DPP6: variants seen among roughly 807,000 people sequenced by gnomAD.
DPP6 encodes the protein A-type potassium channel modulatory protein DPP6.
Under a neutral mutation model 122.6 loss-of-function variants are expected in DPP6, and 69 were observed. The ratio of observed to expected loss-of-function variants is 0.56; its 90% CI spans 0.46 to 0.69. DPP6 has a LOEUF of 0.69. DPP6 is among the 30% of genes least tolerant of loss of function. The pLI is 0.00. For missense variants in DPP6, 928 were observed against 1,116.9 expected, an observed-to-expected ratio of 0.83 and a Z score of 2.41; for synonymous variants, 418 against 433.1, an observed-to-expected ratio of 0.97 and a Z score of 0.43.
rs2150609189 is a variant in DPP6 at position 154,863,949 on chromosome 7, T to C, written c.1715-4046T>C. Among the ~76,000 whole-genome samples the C allele has an allele frequency of 6.6e-6, 1 of 152,158 alleles. No individual in the cohort carries two copies. The highest frequency in any genetic ancestry group is 1.9e-4 in the East Asian group (1 of 5,154). ...AGCCCTGGGGTAAGCGGACGGCAGCTGCAAGAGCACAGGGAGGGGGCGAGG... is the reference window on the plus strand; with the variant it reads ...AGCCCTGGGGTAAGCGGACGGCAGCCGCAAGAGCACAGGGAGGGGGCGAGG... On this transcript the variant is annotated intron_variant, in intron 17 of 25. Transcript: ENST00000377770. The surrounding 1 kb of genome is among the most constrained non-coding windows in gnomAD (Gnocchi z 4.1).
chr7:154,575,111 TTG>T (rs1302955183), intron 5 of DPP6, among the ~76,000 whole-genome samples: 7 of 129,760 alleles, frequency 5.4e-5, no homozygotes, highest in Non-Finnish European at 8.2e-5. Flanking sequence ...TGTATGCTGT[TTG>T]TGTGTGTGTG....
At chr7:154,725,611 C>A (rs990149571) in intron 7 of DPP6, among the ~76,000 whole-genome samples, 1 of 152,162 alleles carries the variant, frequency 6.6e-6, no homozygotes, top group Non-Finnish European at 1.5e-5. Context: ...TTAGGGATTA[C>A]AATTTGACAT....
intron 1 of DPP6, among the ~76,000 whole-genome samples, chr7:154,262,913 A>G (rs1339503656): frequency 1.3e-5 from 2 of 152,178 alleles, no homozygotes; most frequent in Non-Finnish European, 2.9e-5. Context: ...ACAGTAGTCT[A>G]TGCACGTTTC....
At chr7:154,487,721 A>G (rs1235147784) in intron 3 of DPP6, among the ~76,000 whole-genome samples, 1 of 152,232 alleles carries the variant, frequency 6.6e-6, no homozygotes, top group Non-Finnish European at 1.5e-5. Context: ...GAGCACTGAC[A>G]CCACCATTTA....
chr7:154,509,522 T>A (rs1444742965), intron 3 of DPP6, among the ~76,000 whole-genome samples: 2 of 152,210 alleles, frequency 1.3e-5, no homozygotes, highest in Non-Finnish European at 2.9e-5. Context: ...CACGTCCTGC[T>A]GGTGGTAATG....
At chr7:154,063,278 G>T (rs1356682625) in intron 1 of DPP6, among the ~76,000 whole-genome samples, 1 of 126,164 alleles carries the variant, frequency 7.9e-6, no homozygotes, top group African/African-American at 2.9e-5. Context: ...CCCCATCGCA[G>T]AGGGGGGAGG....
At chr7:154,652,027 G>T (rs760675118) in intron 6 of DPP6, among the ~76,000 whole-genome samples, 3 of 152,196 alleles carry the variant, frequency 2.0e-5, no homozygotes, top group South Asian at 2.1e-4. Flanking sequence ...GGACAGAAAA[G>T]GTTGAGCTCT....
chr7:153,763,915 G>A, the DPP6 span, among the ~76,000 whole-genome samples: 3 of 152,140 alleles, frequency 2.0e-5, no homozygotes, highest in African/African-American at 7.2e-5. Flanking sequence ...TACCTTAGCA[G>A]CTTCAATAAG....
chr7:154,718,421 T>G (rs1841611108), intron 7 of DPP6, among the ~76,000 whole-genome samples: 1 of 152,166 alleles, frequency 6.6e-6, no homozygotes, highest in African/African-American at 2.4e-5. Flanking sequence ...TGAGTTGATT[T>G]TTTTAAGAGG....
At chr7:153,996,064 T>G (rs989252019) in intron 1 of DPP6, among the ~76,000 whole-genome samples, 1 of 152,132 alleles carries the variant, frequency 6.6e-6, no homozygotes, top group African/African-American at 2.4e-5. Context: ...TGTCACCCAG[T>G]AGGCCCTCAG....
chr7:153,932,881 G>A (rs1320963158), intron 1 of DPP6, among the ~76,000 whole-genome samples: 2 of 152,140 alleles, frequency 1.3e-5, no homozygotes, highest in African/African-American at 4.8e-5. Flanking sequence ...TAATCCCCAC[G>A]TGTTATGGGC....
intron 1 of DPP6, among the ~76,000 whole-genome samples, chr7:153,917,933 T>G (rs1800397913): frequency 6.6e-6 from 1 of 152,212 alleles, no homozygotes; most frequent in Admixed American, 6.5e-5. Flanking sequence ...GCTACCCAAT[T>G]CAGAAAATTA....
chr7:154,769,662 CAT>C, intron 9 of DPP6, 91 bp downstream of exon 9: 3 of 1,393,610 alleles, frequency 2.2e-6, no homozygotes, highest in African/African-American at 1.4e-5. Flanking sequence ...GATCATCAGA[CAT>C]GTGTATGAGC....
intron 8 of DPP6, among the ~76,000 whole-genome samples, chr7:154,768,536 G>A (rs1002471297): frequency 6.6e-6 from 1 of 152,154 alleles, no homozygotes; most frequent in Non-Finnish European, 1.5e-5. Context: ...GTACAAGACA[G>A]AACCCCTTGA....
At chr7:153,859,929 C>T in the DPP6 span, among the ~76,000 whole-genome samples, 17 of 152,162 alleles carry the variant, frequency 1.1e-4, no homozygotes, top group African/African-American at 2.4e-5. Flanking sequence ...TTACCTCCAC[C>T]TGGTCCTGCC....
intron 25 of DPP6, 132 bp downstream of exon 25, chr7:154,889,662 G>A: frequency 7.1e-7 from 1 of 1,417,558 alleles, no homozygotes; most frequent in Admixed American, 2.7e-5. Context: ...GATGAGCAAG[G>A]TCCCAGCAGG....
chr7:153,946,925 C>T (rs1446477542), intron 1 of DPP6, among the ~76,000 whole-genome samples: 1 of 151,976 alleles, frequency 6.6e-6, no homozygotes, highest in East Asian at 1.9e-4. Flanking sequence ...ACATAAAATG[C>T]GAATTTCCAA....
At chr7:153,979,680 T>G (rs1585124068) in intron 1 of DPP6, among the ~76,000 whole-genome samples, 1 of 152,188 alleles carries the variant, frequency 6.6e-6, no homozygotes, top group South Asian at 2.1e-4. Context: ...TGGCTGTGGG[T>G]TTGTCATAAA....
intron 3 of DPP6, among the ~76,000 whole-genome samples, chr7:154,524,681 T>C (rs953723500): frequency 3.3e-5 from 5 of 152,138 alleles, no homozygotes; most frequent in Non-Finnish European, 5.9e-5. Flanking sequence ...TGTAAGAGCT[T>C]TTTAAGCACC....
Sources: allele counts gnomAD v4.1 joint callset (sites outside exome capture counted in the v4.1 genomes callset), GRCh38; gene constraint gnomAD v4.1.1; non-coding constraint Gnocchi (gnomAD v3.1); transcripts MANE v1.5; gene names NCBI Gene and HGNC (gene_info 2026-07-23, HGNC 2026-07-21).